Variants in ZEB1 observed in about 807,000 individuals in gnomAD.
The protein encoded by ZEB1 is zinc finger E-box-binding homeobox 1.
Under a neutral mutation model 84.9 loss-of-function variants are expected in ZEB1, and 21 were observed. The ratio of observed to expected loss-of-function variants is 0.25; its 90% CI spans 0.18 to 0.36. ZEB1 has a LOEUF of 0.36. ZEB1 is among the 10% of genes least tolerant of loss of function. The probability of loss-of-function intolerance (pLI) is 1.00; values close to 1 mark genes in which losing one functional copy is unlikely to be tolerated. For synonymous variants in ZEB1, 420 were observed against 471.1 expected (o/e 0.89, Z 1.41); for missense variants, 1,104 against 1,330.2 (o/e 0.83, Z 2.65).
chr10:31,404,145 AC>A (rs2052551653), intron 1 of ZEB1, among the ~76,000 whole-genome samples: 1 of 152,110 alleles, frequency 6.6e-6, no homozygotes, highest in African/African-American at 2.4e-5. Flanking sequence ...ACTTGAAGCA[AC>A]AAATTTATGA....
intron 1 of ZEB1, among the ~76,000 whole-genome samples, chr10:31,402,938 A>G (rs998170703): frequency 5.3e-5 from 8 of 152,112 alleles, no homozygotes; most frequent in Non-Finnish European, 7.4e-5. Flanking sequence ...TCTTAATACA[A>G]TCTTTTGGGG....
chr10:31,472,364 G>A (rs1302485369), intron 2 of ZEB1, among the ~76,000 whole-genome samples: 1 of 152,028 alleles, frequency 6.6e-6, no homozygotes, highest in African/African-American at 2.4e-5. Context: ...AATAAAAAAT[G>A]ATAAAGGGGA....
chr10:31,342,554 T>A (rs1418304463), intron 1 of ZEB1, among the ~76,000 whole-genome samples: 1 of 152,244 alleles, frequency 6.6e-6, no homozygotes, highest in Non-Finnish European at 1.5e-5. Context: ...TAGGCGTCGA[T>A]GTAGATGTTG....
At chr10:31,490,985 A>G (rs2066449333) in intron 2 of ZEB1, among the ~76,000 whole-genome samples, 1 of 151,728 alleles carries the variant, frequency 6.6e-6, no homozygotes, top group African/African-American at 2.4e-5. Context: ...TGTACCACCC[A>G]GGGTCCAATC....
rs901650669 is a variant in ZEB1, at chr10:31,486,579, T to C, written c.260-9197T>C. Among the ~76,000 whole-genome samples the C allele has an allele frequency of 2.5e-4, 38 of 151,444 alleles. 1 individual carries two copies. Among genetic ancestry groups the C allele is most frequent in the African/African-American group, 8.2e-4 (34 of 41,440 alleles). On this transcript the variant is annotated intron_variant, in intron 2 of 8. Transcript: ENST00000424869. ...TTTTCTTTTTTTTCTGTAGTGTTTT[T>C]TTTTTCTTTTTTTAATTATACTTTA...
chr10:31,365,345 C>T (rs1488883548), intron 1 of ZEB1, among the ~76,000 whole-genome samples: 6 of 152,150 alleles, frequency 3.9e-5, no homozygotes, highest in Admixed American at 2.6e-4. Context: ...GAGGGACATA[C>T]TCTTGGGTGT....
intron 2 of ZEB1, among the ~76,000 whole-genome samples, chr10:31,479,586 G>GT (rs2138392536): frequency 6.6e-6 from 1 of 151,886 alleles, no homozygotes; most frequent in African/African-American, 2.4e-5. Context: ...TGCAAGAATG[G>GT]TTTAACCTAT....
At chr10:31,505,035 A>G (rs2068740605) in intron 4 of ZEB1, among the ~76,000 whole-genome samples, 1 of 152,050 alleles carries the variant, frequency 6.6e-6, no homozygotes, top group Admixed American at 6.6e-5. Context: ...CACTTCTTAG[A>G]GGGACGTCTG....
intron 1 of ZEB1, among the ~76,000 whole-genome samples, chr10:31,330,541 T>C (rs2036520567): frequency 6.6e-6 from 1 of 152,226 alleles, no homozygotes; most frequent in Non-Finnish European, 1.5e-5. Context: ...ACTATACCAA[T>C]TCATTTTCAT....
chr10:31,509,759 T>C (rs558068929), intron 4 of ZEB1, among the ~76,000 whole-genome samples: 1 of 152,340 alleles, frequency 6.6e-6, no homozygotes, highest in East Asian at 1.9e-4. Context: ...ATAGAGATGA[T>C]GTTTACAAAA....
chr10:31,319,149 G>A (rs1564439145), upstream of ZEB1: 2 of 874,256 alleles, frequency 2.3e-6, no homozygotes, highest in Non-Finnish European at 1.8e-6. Context: ...GTGGGGAGGG[G>A]GGAGGGGTGG....
rs2137357979 is a variant in ZEB1 at position 31,458,800 on chromosome 10, A to G, written c.59-2237A>G. The stretch of plus-strand genomic sequence containing the variant: ...GCTAGTGCTTAACACAGGCAAAAAA[A>G]TTATCAATAGATCATAGGTTGAAGT... On this transcript the variant is annotated intron_variant, in intron 1 of 8. Coordinates refer to ENST00000424869, the MANE Select transcript of ZEB1 (RefSeq NM_001174096.2). Among the ~76,000 whole-genome samples, 2 of 152,256 alleles carry G rather than the reference A, an allele frequency of 1.3e-5. 1 individual carries two copies. Among genetic ancestry groups the G allele is most frequent in the Admixed American group, 1.3e-4 (2 of 15,288 alleles).
intron 6 of ZEB1, among the ~76,000 whole-genome samples, chr10:31,516,855 C>G (rs1167028194): frequency 6.6e-6 from 1 of 152,014 alleles, no homozygotes; most frequent in Non-Finnish European, 1.5e-5. Flanking sequence ...CTCTGATGGT[C>G]TGGTTGATTC....
chr10:31,368,210 G>A (rs761837998), intron 1 of ZEB1, among the ~76,000 whole-genome samples: 5 of 151,912 alleles, frequency 3.3e-5, no homozygotes, highest in South Asian at 2.1e-4. Flanking sequence ...GCTTGAGTGC[G>A]CTGGTACAAT....
At chr10:31,409,657 T>A (rs886769304) in intron 1 of ZEB1, among the ~76,000 whole-genome samples, 1 of 152,228 alleles carries the variant, frequency 6.6e-6, no homozygotes, top group Non-Finnish European at 1.5e-5. Flanking sequence ...GGAATGTTTT[T>A]CCATTTGTTT....
Position 31,341,659 on chromosome 10 carries a change from C to G in ZEB1, c.58+22367C>G, listed in dbSNP as rs970930914. Among the ~76,000 whole-genome samples the G allele has an allele frequency of 3.3e-5, 5 of 151,992 alleles. No homozygotes were observed. The South Asian group carries it at 1.0e-3, about 32-fold the overall frequency. On this transcript the variant is annotated intron_variant, in intron 1 of 8. Transcript: ENST00000424869. ...GAGGTGATTGAAAGCATAAGACCAT[C>G]AAGGGAAGGTGTGTGGGCTGAAGAG...
intron 1 of ZEB1, among the ~76,000 whole-genome samples, chr10:31,439,860 G>A (rs910505419): frequency 8.5e-5 from 13 of 152,134 alleles, no homozygotes; most frequent in Non-Finnish European, 1.6e-4. Context: ...GTCAGCCCAT[G>A]GAGGGCCTTG....
rs773791953 is a variant in ZEB1, at chr10:31,527,042, G to A, written c.3156G>A (p.Gln1052=). Residue 1052 remains glutamine, a synonymous_variant, in exon 9 of 9, where the codon CAG becomes CAA. Transcript: ENST00000424869. ...EEEDKEMEEL[Q]EEKECEKPQG... ...AGGATAAAGAGATGGAAGAATTGCA[G>A]GAAGAAAAAGAATGTGAAAAACCAC... The A allele has an allele frequency of 6.3e-7, 1 of 1,584,948 alleles. No homozygotes were observed. The highest frequency in any genetic ancestry group is 1.1e-5 in the South Asian group (1 of 87,922).
chr10:31,457,869 A>G (rs566846765), intron 1 of ZEB1, among the ~76,000 whole-genome samples: 2 of 152,182 alleles, frequency 1.3e-5, no homozygotes, highest in Non-Finnish European at 2.9e-5. Flanking sequence ...TACTCTAGAT[A>G]TAAATGTGTT....
Sources: gnomAD v4.1 joint callset for allele counts (sites outside exome capture counted in the v4.1 genomes callset) on GRCh38, gnomAD v4.1.1 for gene constraint, MANE v1.5 for transcripts, NCBI Gene and HGNC (gene_info 2026-07-23, HGNC 2026-07-21) for gene names.